ATRNL1: variants seen among roughly 807,000 people sequenced by gnomAD.
ATRNL1 encodes the protein attractin-like protein 1.
In ATRNL1, 95 loss-of-function variants were observed where a neutral mutation model predicts 182.7. The ratio of observed to expected loss-of-function variants is 0.52; its 90% CI spans 0.44 to 0.62. The LOEUF (loss-of-function observed/expected upper bound fraction) is 0.62, where lower values mean the gene tolerates loss of function less well. Ranked by LOEUF, ATRNL1 falls within the 20% of genes least tolerant of loss-of-function variation. The pLI, the probability that ATRNL1 is intolerant of heterozygous loss-of-function variation, is 0.00. For synonymous variants in ATRNL1, 576 were observed against 568.3 expected, an observed-to-expected ratio of 1.01 and a Z score of -0.19; for missense variants, 1,471 against 1,679.5, an observed-to-expected ratio of 0.88 and a Z score of 2.17.
At chr10:115,125,029 G>A (rs1264782) in intron 3 of ATRNL1, among the ~76,000 whole-genome samples, 50,816 of 151,932 alleles carry the variant, frequency 0.33, 8,778 homozygotes, top group African/African-American at 0.39. Flanking sequence ...GACATTCTAG[G>A]GAGAGAAAAG....
chr10:115,572,412 T>C (rs1335900184), intron 26 of ATRNL1, among the ~76,000 whole-genome samples: 4 of 152,068 alleles, frequency 2.6e-5, no homozygotes, highest in African/African-American at 9.7e-5. Context: ...TCACTGCTGA[T>C]AGATTGGATG....
intron 26 of ATRNL1, among the ~76,000 whole-genome samples, chr10:115,695,128 AAAAGAAAAG>A (rs2133981437): frequency 6.6e-6 from 1 of 152,224 alleles, no homozygotes; most frequent in African/African-American, 2.4e-5. Context: ...CACATTTTTT[AAAAGAAAAG>A]AAAAAAAAGA....
At chr10:115,201,724 G>C (rs1848587602) in intron 8 of ATRNL1, among the ~76,000 whole-genome samples, 1 of 152,034 alleles carries the variant, frequency 6.6e-6, no homozygotes, top group Admixed American at 6.6e-5. Context: ...GCTCTTTTTT[G>C]GTTCCATATG....
At chr10:115,932,231 C>T (rs1312006767) in intron 28 of ATRNL1, among the ~76,000 whole-genome samples, 4 of 152,192 alleles carry the variant, frequency 2.6e-5, no homozygotes, top group South Asian at 4.1e-4. Context: ...TTTAATCAAA[C>T]GACTTTCCAA....
At chr10:115,264,001 G>T (rs1198600358) in intron 10 of ATRNL1, among the ~76,000 whole-genome samples, 3 of 151,624 alleles carry the variant, frequency 2.0e-5, no homozygotes, top group African/African-American at 7.2e-5. Flanking sequence ...TTTTTCGGGG[G>T]AGATTTGTGT....
chr10:115,773,700 T>C (rs1486998940), intron 27 of ATRNL1, among the ~76,000 whole-genome samples: 1 of 152,174 alleles, frequency 6.6e-6, no homozygotes, highest in African/African-American at 2.4e-5. Context: ...AAATCAGCCC[T>C]CATTTTATTT....
At chr10:115,296,532 G>A (rs1442694861) in intron 15 of ATRNL1, among the ~76,000 whole-genome samples, 1 of 152,112 alleles carries the variant, frequency 6.6e-6, no homozygotes, top group Non-Finnish European at 1.5e-5. Context: ...ATCAATAATG[G>A]ATAATCTAAT....
intron 21 of ATRNL1, among the ~76,000 whole-genome samples, chr10:115,441,365 A>G (rs1846671562): frequency 6.6e-6 from 1 of 151,710 alleles, no homozygotes; most frequent in African/African-American, 2.4e-5. Context: ...AATCCTTACC[A>G]CCCATTTCCT....
intron 28 of ATRNL1, among the ~76,000 whole-genome samples, chr10:115,931,865 G>A (rs772085830): frequency 3.9e-5 from 6 of 152,080 alleles, no homozygotes; most frequent in South Asian, 2.1e-4. Context: ...GAAACATGTC[G>A]GCAGGGATTG....
At position 115,268,386 on chromosome 10, in the gene ATRNL1, A is replaced by G. The variant is rs1554911614; in HGVS notation, c.2042A>G (p.Asn681Ser). Residue 681 changes from asparagine (N) to serine (S), a missense_variant, in exon 13 of 29, where the codon AAT becomes AGT. Transcript: ENST00000355044. ...ADCASCTANTNGCQWCDDKKC... is the reference protein window; with the variant it reads ...ADCASCTANTSGCQWCDDKKC... The stretch of plus-strand genomic sequence containing the variant: ...TGTGCCAGCTGTACTGCCAATACAA[A>G]TGGGTGCCAATGGTGTGATGACAAG... 1 of 1,613,702 alleles carries G rather than the reference A, an allele frequency of 6.2e-7. No individual in the cohort carries two copies. The highest frequency in any genetic ancestry group is 1.7e-5 in the Admixed American group (1 of 59,906).
intron 1 of ATRNL1, among the ~76,000 whole-genome samples, chr10:115,104,761 A>G (rs115298611): frequency 0.012 from 1,800 of 152,160 alleles, 34 homozygotes; most frequent in African/African-American, 0.04. Flanking sequence ...TATTCTTCAT[A>G]TGGATATCCA....
rs575453943 is a variant in ATRNL1 at position 115,428,851 on chromosome 10, G to A, written c.3322+2549G>A. On this transcript the variant is annotated intron_variant, in intron 21 of 28. Coordinates refer to ENST00000355044, the MANE Select transcript of ATRNL1 (RefSeq NM_207303.4). ...GAACATATGTTTTTATTTTCCTTGGGTAGATTCCTAGCAATGTATAGTTTG... is the reference window on the plus strand; with the variant it reads ...GAACATATGTTTTTATTTTCCTTGGATAGATTCCTAGCAATGTATAGTTTG... Among the ~76,000 whole-genome samples, 11 of 152,036 alleles carry A rather than the reference G, an allele frequency of 7.2e-5. No homozygotes were observed. The South Asian group carries it at 2.1e-3, about 29-fold the overall frequency.
At chr10:115,581,158 A>G (rs1237287749) in intron 26 of ATRNL1, among the ~76,000 whole-genome samples, 2 of 152,150 alleles carry the variant, frequency 1.3e-5, no homozygotes, top group African/African-American at 4.8e-5. Flanking sequence ...GTGTTATCAG[A>G]CTAGTGTCTT....
At chr10:115,879,764 G>A (rs1443102687) in intron 28 of ATRNL1, among the ~76,000 whole-genome samples, 1 of 152,214 alleles carries the variant, frequency 6.6e-6, no homozygotes, top group Non-Finnish European at 1.5e-5. Flanking sequence ...TGGTCCAACT[G>A]TGGTTCGAGT....
chr10:115,407,696 G>T (rs1399029756), intron 20 of ATRNL1, among the ~76,000 whole-genome samples: 1 of 152,108 alleles, frequency 6.6e-6, no homozygotes, highest in East Asian at 1.9e-4. Context: ...ATATGACGAT[G>T]CAAGTATGCC....
chr10:115,698,470 G>A (rs1044906694), intron 26 of ATRNL1, among the ~76,000 whole-genome samples: 1 of 152,024 alleles, frequency 6.6e-6, no homozygotes, highest in African/African-American at 2.4e-5. Flanking sequence ...AGTTGCTACA[G>A]TTGTTGCTAG....
At chr10:115,429,518 A>G (rs920689811) in intron 21 of ATRNL1, among the ~76,000 whole-genome samples, 3 of 152,052 alleles carry the variant, frequency 2.0e-5, no homozygotes, top group African/African-American at 7.2e-5. Flanking sequence ...TTCCTATCTT[A>G]TTTTGTGACA....
At chr10:115,929,608 C>T (rs1427204932) in intron 28 of ATRNL1, among the ~76,000 whole-genome samples, 2 of 152,030 alleles carry the variant, frequency 1.3e-5, no homozygotes, top group Non-Finnish European at 2.9e-5. Flanking sequence ...TCAGATTGTA[C>T]TTTAAGAAAA....
intron 25 of ATRNL1, among the ~76,000 whole-genome samples, chr10:115,533,699 G>T (rs1421028510): frequency 6.7e-6 from 1 of 149,770 alleles, no homozygotes; most frequent in Non-Finnish European, 1.5e-5. Context: ...TGATGTTAGG[G>T]TGTCAATTTT....
Sources: gnomAD v4.1 joint callset for allele counts (sites outside exome capture counted in the v4.1 genomes callset) on GRCh38, gnomAD v4.1.1 for gene constraint, MANE v1.5 for transcripts, NCBI Gene and HGNC (gene_info 2026-07-23, HGNC 2026-07-21) for gene names.